Variants in CEP128 observed in about 807,000 individuals in gnomAD.
The protein encoded by CEP128 is centrosomal protein 128kDa.
In CEP128, 132 loss-of-function variants were observed where a neutral mutation model predicts 156.7. That is an observed-to-expected ratio of 0.84 (90% CI 0.73 to 0.97). The LOEUF (loss-of-function observed/expected upper bound fraction) is 0.97, where lower values mean the gene tolerates loss of function less well. Among genes scored for constraint, CEP128 ranks in the 50% least tolerant of loss-of-function variants. The pLI is 0.00. For synonymous variants in CEP128, 469 were observed against 448.9 expected (o/e 1.04, Z -0.57); for missense variants, 1,252 against 1,281.9 (o/e 0.98, Z 0.36).
chr14:80,644,102 C>T (rs562309921), intron 19 of CEP128, among the ~76,000 whole-genome samples: 30 of 152,248 alleles, frequency 2.0e-4, no homozygotes, highest in Admixed American at 1.8e-3. Flanking sequence ...AGCCAAGTAA[C>T]GCTAAAGATT....
intron 20 of CEP128, among the ~76,000 whole-genome samples, chr14:80,570,520 T>C (rs780867996): frequency 3.3e-5 from 5 of 152,164 alleles, no homozygotes; most frequent in Non-Finnish European, 7.3e-5. Flanking sequence ...ATTAAGTGTG[T>C]TGAAGTCCAT....
intron 19 of CEP128, among the ~76,000 whole-genome samples, chr14:80,723,919 T>C (rs1370466265): frequency 1.3e-5 from 2 of 152,194 alleles, no homozygotes; most frequent in Admixed American, 6.5e-5. Context: ...TTTTAGCAAA[T>C]AGTAACTTAC....
chr14:80,619,980 C>T (rs1361385924), intron 19 of CEP128, among the ~76,000 whole-genome samples: 3 of 151,984 alleles, frequency 2.0e-5, no homozygotes, highest in Non-Finnish European at 4.4e-5. Flanking sequence ...CAAAAATTAG[C>T]CAGGCATGGT....
intron 14 of CEP128, among the ~76,000 whole-genome samples, chr14:80,789,862 GT>G (rs1353644283): frequency 2.0e-5 from 3 of 151,290 alleles, no homozygotes; most frequent in African/African-American, 4.8e-5. Flanking sequence ...CTTGCTCAAT[GT>G]TTTTTTTGTT....
chr14:80,708,644 T>TA (rs1317683239), intron 19 of CEP128, among the ~76,000 whole-genome samples: 1 of 152,144 alleles, frequency 6.6e-6, no homozygotes, highest in Admixed American at 6.6e-5. Context: ...TTTGCCATTT[T>TA]AAAAAACTGC....
chr14:80,812,876 T>C (rs891090774), intron 13 of CEP128, among the ~76,000 whole-genome samples: 2 of 150,992 alleles, frequency 1.3e-5, no homozygotes, highest in East Asian at 1.9e-4. Context: ...TTTTGTCTGT[T>C]TGTTTGTTTT....
At chr14:80,902,840 T>C (rs1194894885) in intron 6 of CEP128, among the ~76,000 whole-genome samples, 4 of 152,140 alleles carry the variant, frequency 2.6e-5, no homozygotes, top group African/African-American at 7.2e-5. Flanking sequence ...AGTAGCAGAC[T>C]TAGCAGGGCT....
At chr14:80,730,765 C>T (rs1898236027) in intron 19 of CEP128, among the ~76,000 whole-genome samples, 1 of 152,126 alleles carries the variant, frequency 6.6e-6, no homozygotes, top group African/African-American at 2.4e-5. Context: ...TCTTGAGTGA[C>T]TGGTTAGAAA....
At chr14:80,668,889 A>C (rs749901677) in intron 19 of CEP128, among the ~76,000 whole-genome samples, 1 of 152,150 alleles carries the variant, frequency 6.6e-6, no homozygotes, top group African/African-American at 2.4e-5. Flanking sequence ...TGGTTTTATA[A>C]AAGGAAGTTC....
chr14:80,870,868 A>C (rs1343376767), intron 8 of CEP128, among the ~76,000 whole-genome samples: 1 of 151,964 alleles, frequency 6.6e-6, no homozygotes, highest in African/African-American at 2.4e-5. Context: ...CCTAAAAAAA[A>C]CTGTTAGAAG....
chr14:80,682,119 A>T (rs575502645), intron 19 of CEP128, among the ~76,000 whole-genome samples: 4 of 152,198 alleles, frequency 2.6e-5, no homozygotes, highest in Non-Finnish European at 4.4e-5. Context: ...CCACAAAAAA[A>T]TAAAAAAGGA....
chr14:80,697,584 C>CA lies in CEP128; in HGVS notation c.2806+45490dup, dbSNP rs535678349. On this transcript the variant is annotated intron_variant, in intron 19 of 24. Transcript: ENST00000555265. ...GCAATTTCTTTATTGTCTATATGTA[C>CA]ATTTTGTTTTTAATAACTCAGGCTA... 2.8e-3 allele frequency among the ~76,000 whole-genome samples: 419 copies of CA among 152,014 alleles called. 2 individuals are homozygous for CA. The highest frequency in any genetic ancestry group is 9.7e-3 in the African/African-American group (402 of 41,502).
intron 19 of CEP128, among the ~76,000 whole-genome samples, chr14:80,678,049 A>AAAATATATATATATATATATAT: frequency 4.1e-5 from 4 of 98,502 alleles, no homozygotes; most frequent in African/African-American, 1.3e-4. Flanking sequence ...ATAAAAAAAA[A>AAAATATATATATATATATATAT]ATATATATAT....
intron 20 of CEP128, among the ~76,000 whole-genome samples, chr14:80,573,089 AT>A (rs34024851): frequency 9.6e-4 from 139 of 144,740 alleles, no homozygotes; most frequent in Admixed American, 1.6e-3. Context: ...CGCCTGACTA[AT>A]TTTTTTTTTT....
At chr14:80,615,589 G>T (rs969818991) in intron 19 of CEP128, among the ~76,000 whole-genome samples, 1 of 152,156 alleles carries the variant, frequency 6.6e-6, no homozygotes, top group East Asian at 1.9e-4. Flanking sequence ...AGAATAAATT[G>T]CTAAGAAGTG....
intron 19 of CEP128, among the ~76,000 whole-genome samples, chr14:80,717,537 T>G (rs569104479): frequency 8.2e-4 from 125 of 152,192 alleles, no homozygotes; most frequent in African/African-American, 2.9e-3. Flanking sequence ...GCATTTGTGA[T>G]AGAGCACCAT....
intron 13 of CEP128, among the ~76,000 whole-genome samples, chr14:80,807,332 A>C (rs1314806801): frequency 1.3e-5 from 2 of 152,202 alleles, no homozygotes; most frequent in African/African-American, 4.8e-5. Context: ...TTAACTATTA[A>C]AGTTAAAAAT....
chr14:80,644,034 C>A (rs539888907), intron 19 of CEP128, among the ~76,000 whole-genome samples: 23 of 152,276 alleles, frequency 1.5e-4, no homozygotes, highest in African/African-American at 5.3e-4. Flanking sequence ...AAGACACAGA[C>A]ATACAGAGAA....
At chr14:80,516,866 C>T (rs1271273403) in intron 23 of CEP128, among the ~76,000 whole-genome samples, 1 of 152,164 alleles carries the variant, frequency 6.6e-6, no homozygotes, top group Non-Finnish European at 1.5e-5. Flanking sequence ...CTTTCCTACC[C>T]TCTTCAGTGC....
Sources: gnomAD v4.1 joint callset for allele counts (sites outside exome capture counted in the v4.1 genomes callset) on GRCh38, gnomAD v4.1.1 for gene constraint, MANE v1.5 for transcripts, NCBI Gene and HGNC (gene_info 2026-07-23, HGNC 2026-07-21) for gene names.